Variants in RAP1GDS1 observed in about 807,000 individuals in gnomAD.
RAP1GDS1 encodes the protein Rap1 GTPase-GDP dissociation stimulator 1.
A neutral mutation model predicts 71.1 loss-of-function variants in RAP1GDS1; 35 were observed. The ratio of observed to expected loss-of-function variants is 0.49; its 90% confidence interval spans 0.38 to 0.65. RAP1GDS1 has a LOEUF of 0.65. Among genes scored for constraint, RAP1GDS1 ranks in the 30% least tolerant of loss-of-function variants. The pLI is 0.00. For missense variants in RAP1GDS1, 663 were observed against 706.1 expected, an observed-to-expected ratio of 0.94 and a Z score of 0.69; for synonymous variants, 229 against 243.1, an observed-to-expected ratio of 0.94 and a Z score of 0.54.
chr4:98,424,770 CAA>C (rs1157760868), intron 12 of RAP1GDS1, among the ~76,000 whole-genome samples: 15 of 83,630 alleles, frequency 1.8e-4, no homozygotes, highest in Non-Finnish European at 1.3e-4. Flanking sequence ...ACTCTGTCTC[CAA>C]AAAAAAAAAA....
At chr4:98,365,980 GAAAC>G (rs1367185445) in intron 4 of RAP1GDS1, among the ~76,000 whole-genome samples, 6 of 152,200 alleles carry the variant, frequency 3.9e-5, no homozygotes, top group Admixed American at 2.6e-4. Flanking sequence ...TAATAGGACA[GAAAC>G]AAACAGATTC....
chr4:98,285,940 T>C (rs1725921415), intron 1 of RAP1GDS1, among the ~76,000 whole-genome samples: 2 of 148,442 alleles, frequency 1.3e-5, no homozygotes, highest in South Asian at 4.2e-4. Flanking sequence ...AATATATTCA[T>C]ATTTATTATA....
chr4:98,285,994 G>A (rs919031866), intron 1 of RAP1GDS1, among the ~76,000 whole-genome samples: 4 of 150,172 alleles, frequency 2.7e-5, no homozygotes, highest in Non-Finnish European at 5.9e-5. Flanking sequence ...GGCTGGGCAC[G>A]GTGGGCTCAT....
intron 2 of RAP1GDS1, among the ~76,000 whole-genome samples, chr4:98,304,761 C>A (rs976821343): frequency 1.3e-5 from 2 of 152,138 alleles, no homozygotes; most frequent in East Asian, 1.9e-4. Context: ...GTTATGAAAT[C>A]TTTCCCCTTG....
intron 1 of RAP1GDS1, among the ~76,000 whole-genome samples, chr4:98,281,969 G>A (rs942680042): frequency 2.6e-5 from 4 of 152,082 alleles, no homozygotes; most frequent in Admixed American, 1.3e-4. Flanking sequence ...CAAGTTGATC[G>A]TGGTAGGTAA....
intron 4 of RAP1GDS1, among the ~76,000 whole-genome samples, chr4:98,357,718 T>A (rs992488530): frequency 1.3e-5 from 2 of 151,844 alleles, no homozygotes; most frequent in Non-Finnish European, 2.9e-5. Context: ...AGTGCATTGC[T>A]TAGAAAAGAA....
chr4:98,388,567 A>C (rs770351705), intron 5 of RAP1GDS1, among the ~76,000 whole-genome samples: 1 of 152,112 alleles, frequency 6.6e-6, no homozygotes, highest in Non-Finnish European at 1.5e-5. Context: ...CTCTACTAAA[A>C]ATACAAAAAT....
chr4:98,403,057 G>A (rs989312638), intron 6 of RAP1GDS1, among the ~76,000 whole-genome samples: 2 of 152,106 alleles, frequency 1.3e-5, no homozygotes, highest in Non-Finnish European at 2.9e-5. Context: ...TTTTCAAAAT[G>A]TCTACCTCCT....
At chr4:98,431,224 C>T (rs538921844) in intron 12 of RAP1GDS1, among the ~76,000 whole-genome samples, 95 of 152,180 alleles carry the variant, frequency 6.2e-4, no homozygotes, top group African/African-American at 2.1e-3. Flanking sequence ...ATTTAAATCC[C>T]GTACTGAAAA....
intron 13 of RAP1GDS1, among the ~76,000 whole-genome samples, chr4:98,435,664 T>C (rs1429761014): frequency 6.6e-6 from 1 of 152,162 alleles, no homozygotes; most frequent in Non-Finnish European, 1.5e-5. Flanking sequence ...GTATATTCTT[T>C]GGTGAAATGC....
chr4:98,292,115 G>T (rs1727039701), intron 1 of RAP1GDS1, among the ~76,000 whole-genome samples: 2 of 150,096 alleles, frequency 1.3e-5, no homozygotes, highest in South Asian at 4.2e-4. Flanking sequence ...ACATTATGGA[G>T]ATTTTTTTTT....
intron 14 of RAP1GDS1, among the ~76,000 whole-genome samples, chr4:98,440,964 A>G (rs1488310579): frequency 2.0e-5 from 3 of 152,248 alleles, no homozygotes; most frequent in Non-Finnish European, 2.9e-5. Flanking sequence ...AAGTGCTGGG[A>G]TAACAGGCGT....
At chr4:98,267,911 A>G (rs1274643483) in intron 1 of RAP1GDS1, among the ~76,000 whole-genome samples, 1 of 152,236 alleles carries the variant, frequency 6.6e-6, no homozygotes, top group Non-Finnish European at 1.5e-5. Flanking sequence ...AAGTTCGTCG[A>G]GAAGTCTCCA....
At chr4:98,299,889 G>A (rs1246950119) in intron 2 of RAP1GDS1, among the ~76,000 whole-genome samples, 1 of 152,070 alleles carries the variant, frequency 6.6e-6, no homozygotes, top group Non-Finnish European at 1.5e-5. Flanking sequence ...AAAGTACTAA[G>A]ATTACAGACA....
chr4:98,330,946 C>T (rs561481142), intron 2 of RAP1GDS1, among the ~76,000 whole-genome samples: 3 of 152,200 alleles, frequency 2.0e-5, no homozygotes, highest in South Asian at 2.1e-4. Context: ...CCAAGGCAGG[C>T]GGCTGGGAGG....
At chr4:98,320,072 G>C (rs974988269) in intron 2 of RAP1GDS1, among the ~76,000 whole-genome samples, 2 of 152,066 alleles carry the variant, frequency 1.3e-5, no homozygotes, top group Admixed American at 1.3e-4. Context: ...AATAACATTT[G>C]TTTTTCTGTA....
chr4:98,354,883 G>A (rs1376338152), intron 4 of RAP1GDS1, among the ~76,000 whole-genome samples: 1 of 152,110 alleles, frequency 6.6e-6, no homozygotes, highest in Non-Finnish European at 1.5e-5. Flanking sequence ...AATGTAAGAA[G>A]TGATTCATTA....
chr4:98,395,113 ATAAT>A (rs1744319983), intron 6 of RAP1GDS1, among the ~76,000 whole-genome samples: 1 of 152,286 alleles, frequency 6.6e-6, no homozygotes, highest in East Asian at 1.9e-4. Flanking sequence ...TTAGAGAAAA[ATAAT>A]TCTTGATGTA....
At chr4:98,277,507 C>T (rs1267360305) in intron 1 of RAP1GDS1, among the ~76,000 whole-genome samples, 1 of 152,218 alleles carries the variant, frequency 6.6e-6, no homozygotes, top group East Asian at 1.9e-4. Context: ...CGTCATAACA[C>T]CAGTATATCT....
Sources: gnomAD v4.1 joint callset for allele counts (sites outside exome capture counted in the v4.1 genomes callset) on GRCh38, gnomAD v4.1.1 for gene constraint, MANE v1.5 for transcripts, NCBI Gene and HGNC (gene_info 2026-07-23, HGNC 2026-07-21) for gene names.